MTA1: variants seen among roughly 807,000 people sequenced by gnomAD.
The protein encoded by MTA1 is metastasis associated 1, also known as metastasis-associated protein MTA1.
MTA1 carries 15 observed loss-of-function variants against 97.0 expected under a neutral mutation model. That is an observed-to-expected ratio of 0.15 (90% confidence interval 0.10 to 0.24). The LOEUF (loss-of-function observed/expected upper bound fraction) is 0.24. Ranked by LOEUF, MTA1 falls within the 10% of genes least tolerant of loss-of-function variation. The probability of loss-of-function intolerance (pLI) is 1.00; values close to 1 mark genes in which losing one functional copy is unlikely to be tolerated. For synonymous variants in MTA1, 435 were observed against 417.5 expected (o/e 1.04, Z -0.51); for missense variants, 709 against 1,015.1 (o/e 0.70, Z 4.10).
chr14:105,436,210 A>G (rs888706266), intron 1 of MTA1, among the ~76,000 whole-genome samples: 1 of 152,218 alleles, frequency 6.6e-6, no homozygotes, highest in Non-Finnish European at 1.5e-5. Flanking sequence ...CGGAGGTTGC[A>G]GTGAGCTGAG....
chr14:105,461,786 G>C (rs1555431078), intron 10 of MTA1, among the ~76,000 whole-genome samples: 1 of 152,234 alleles, frequency 6.6e-6, no homozygotes, highest in Non-Finnish European at 1.5e-5. Context: ...CTGGGGGCAG[G>C]AGTGCAGCTT....
At chr14:105,431,302 A>G (rs1435622620) in intron 1 of MTA1, among the ~76,000 whole-genome samples, 4 of 152,184 alleles carry the variant, frequency 2.6e-5, no homozygotes, top group African/African-American at 9.6e-5. Flanking sequence ...ACCTCAGGTG[A>G]TCCACCCACC....
chr14:105,463,130 G>C lies in MTA1; in HGVS notation c.943-54G>C. On this transcript the variant is annotated intron_variant, in intron 10 of 20. Transcript: ENST00000331320. The surrounding 1 kb of genome is among the most constrained non-coding windows in gnomAD (Gnocchi z 5.9). ...CCGCAGCCCTGCCCCTGCCTGCATGGTGTGCCTGCCTCCTGCCCCTTCCTG... is the reference window on the plus strand; with the variant it reads ...CCGCAGCCCTGCCCCTGCCTGCATGCTGTGCCTGCCTCCTGCCCCTTCCTG... 6.4e-7 allele frequency: 1 copy of C among 1,560,292 alleles called. No homozygotes were observed. The highest frequency in any genetic ancestry group is 1.1e-5 in the South Asian group (1 of 89,466).
chr14:105,457,452 A>G (rs1382505765), intron 7 of MTA1, among the ~76,000 whole-genome samples: 2 of 151,974 alleles, frequency 1.3e-5, no homozygotes, highest in Non-Finnish European at 2.9e-5. Flanking sequence ...AGGCACGCCC[A>G]CTCCCTGGCC....
chr14:105,445,209 C>T (rs1205402690), intron 2 of MTA1, among the ~76,000 whole-genome samples: 1 of 152,230 alleles, frequency 6.6e-6, no homozygotes, highest in East Asian at 1.9e-4. Flanking sequence ...TGGGTGCACA[C>T]GCCCGCCTTC....
At chr14:105,449,474 G>A (rs1006266278) in intron 4 of MTA1, 65 bp downstream of exon 4, 28 of 1,553,602 alleles carry the variant, frequency 1.8e-5, no homozygotes, top group African/African-American at 1.8e-4. Flanking sequence ...GGGCGGCAGC[G>A]CCGCTGAGGG....
chr14:105,466,386 G>A (rs1430529289), intron 16 of MTA1, 40 bp from the exon 17 acceptor site: 14 of 1,580,306 alleles, frequency 8.9e-6, no homozygotes, highest in Non-Finnish European at 1.2e-5. Context: ...CTCCCCTGCT[G>A]GGCAGAGGCA....
chr14:105,427,527 T>C (rs2082048795), intron 1 of MTA1, among the ~76,000 whole-genome samples: 1 of 152,328 alleles, frequency 6.6e-6, no homozygotes, highest in East Asian at 1.9e-4. Context: ...TATAAAGTTC[T>C]TTGACAGAAA....
chr14:105,445,105 T>A (rs1277641796), intron 2 of MTA1, among the ~76,000 whole-genome samples: 1 of 152,132 alleles, frequency 6.6e-6, no homozygotes, highest in Non-Finnish European at 1.5e-5. Context: ...TCCTACCCAG[T>A]GTGGCGGGGG....
chr14:105,441,208 G>A (rs887507555), intron 2 of MTA1, among the ~76,000 whole-genome samples: 9 of 152,212 alleles, frequency 5.9e-5, no homozygotes, highest in East Asian at 1.9e-4. Context: ...AGCACAGTTC[G>A]TGCGGGGGCT....
Position 105,463,121 on chromosome 14 carries a change from G to T in MTA1, c.943-63G>T. On this transcript the variant is annotated intron_variant, in intron 10 of 20. Transcript: ENST00000331320. The surrounding 1 kb of genome is among the most constrained non-coding windows in gnomAD (Gnocchi z 5.9). ...GCCTTCTGGCCGCAGCCCTGCCCCT[G>T]CCTGCATGGTGTGCCTGCCTCCTGC... 1 of 1,526,274 alleles carries T rather than the reference G, an allele frequency of 6.6e-7. No individual in the cohort carries two copies. The allele number at this position is 1,526,274 out of a possible 1,614,324, so 94.5% of individuals were successfully genotyped here.
At chr14:105,425,688 G>A (rs1161488416) in intron 1 of MTA1, among the ~76,000 whole-genome samples, 11 of 146,534 alleles carry the variant, frequency 7.5e-5, no homozygotes, top group African/African-American at 2.8e-4. Flanking sequence ...ACCCCAGCTG[G>A]CCTGCTCCAT....
At chr14:105,427,162 G>A (rs750255251) in intron 1 of MTA1, among the ~76,000 whole-genome samples, 1 of 152,208 alleles carries the variant, frequency 6.6e-6, no homozygotes, top group Non-Finnish European at 1.5e-5. Flanking sequence ...TAAAACTTAC[G>A]TGTAACCCCA....
chr14:105,423,730 C>A (rs958445478), intron 1 of MTA1, among the ~76,000 whole-genome samples: 3 of 152,272 alleles, frequency 2.0e-5, no homozygotes, highest in African/African-American at 7.2e-5. Context: ...CATCTGCGCT[C>A]TGGCGCGCTG....
chr14:105,440,183 C>T (rs1731190803), intron 2 of MTA1, among the ~76,000 whole-genome samples: 2 of 152,236 alleles, frequency 1.3e-5, no homozygotes, highest in Non-Finnish European at 1.5e-5. Context: ...GCCTGCAGAG[C>T]AAGGCCACTT....
At chr14:105,449,571 C>T (rs1440116631) in intron 4 of MTA1, among the ~76,000 whole-genome samples, 162 bp downstream of exon 4, 3 of 152,210 alleles carry the variant, frequency 2.0e-5, no homozygotes, top group Non-Finnish European at 2.9e-5. Flanking sequence ...GTCCGGCCCA[C>T]GGCCCAGGCT....
intron 13 of MTA1, 69 bp from the exon 14 acceptor site, chr14:105,464,347 G>A: frequency 6.3e-7 from 1 of 1,587,492 alleles, no homozygotes; most frequent in Non-Finnish European, 8.6e-7. Context: ...GCGTGGGGGT[G>A]GCGGGGAATA....
chr14:105,424,638 G>C lies in MTA1; in HGVS notation c.28+4575G>C, dbSNP rs1478855701. On this transcript the variant is annotated intron_variant, in intron 1 of 20. Coordinates refer to ENST00000331320, the MANE Select transcript of MTA1 (RefSeq NM_004689.4). This position sits in a 1 kb window ranked among gnomAD's most constrained non-coding sequence, Gnocchi z 4.0. ...AGCCCCCTGAGTAGCTGGGATTACAGGTGTGCACCACCACACCTGGCTAGT... is the reference window on the plus strand; with the variant it reads ...AGCCCCCTGAGTAGCTGGGATTACACGTGTGCACCACCACACCTGGCTAGT... Among the ~76,000 whole-genome samples, 1 of 152,052 alleles carries C rather than the reference G, an allele frequency of 6.6e-6. No individual in the cohort carries two copies. The highest frequency in any genetic ancestry group is 1.5e-5 in the Non-Finnish European group (1 of 68,014).
intron 1 of MTA1, among the ~76,000 whole-genome samples, chr14:105,433,955 G>A (rs1028596452): frequency 1.3e-5 from 2 of 152,070 alleles, no homozygotes; most frequent in African/African-American, 4.8e-5. Context: ...AGCCTCCCAC[G>A]TAGCTGGGAC....
Sources: allele counts gnomAD v4.1 joint callset (sites outside exome capture counted in the v4.1 genomes callset), GRCh38; gene constraint gnomAD v4.1.1; non-coding constraint Gnocchi (gnomAD v3.1); transcripts MANE v1.5; gene names NCBI Gene and HGNC (gene_info 2026-07-23, HGNC 2026-07-21).